Variants in RBPJ observed in about 807,000 individuals in gnomAD.
RBPJ encodes recombining binding protein suppressor of hairless.
In RBPJ, 9 loss-of-function variants were observed where a neutral mutation model predicts 67.8. The observed-to-expected ratio is 0.13, with a 90% CI of 0.08 to 0.23. The LOEUF (loss-of-function observed/expected upper bound fraction) is 0.23, where lower values mean the gene tolerates loss of function less well. RBPJ is among the 10% of genes least tolerant of loss of function. RBPJ has a pLI of 1.00. For missense variants in RBPJ, 305 were observed against 595.6 expected (o/e 0.51, Z 5.08); for synonymous variants, 198 against 203.3 (o/e 0.97, Z 0.22).
chr4:26,270,188 A>C (rs1720831603), intron 1 of RBPJ, among the ~76,000 whole-genome samples: 2 of 150,732 alleles, frequency 1.3e-5, no homozygotes, highest in Admixed American at 6.7e-5. Flanking sequence ...AGGCTGAGGC[A>C]AGAGAATCGC....
Position 26,231,481 on chromosome 4 carries a change from G to A in RBPJ, c.-167+67867G>A, listed in dbSNP as rs1008512986. ...GGCTGGAGTGCAGTGGCAAGATCTCGGCTCACTGCAACCTCTGCCTCCCAG... is the reference window on the plus strand; with the variant it reads ...GGCTGGAGTGCAGTGGCAAGATCTCAGCTCACTGCAACCTCTGCCTCCCAG... On this transcript the variant is annotated intron_variant, in intron 1 of 4. Coordinates refer to the RBPJ transcript ENST00000512351. 5.3e-5 allele frequency among the ~76,000 whole-genome samples: 8 copies of A among 150,808 alleles called. No individual in the cohort carries two copies. In the South Asian group the frequency reaches 1.5e-3, roughly 28 times the overall value.
intron 1 of RBPJ, among the ~76,000 whole-genome samples, chr4:26,244,162 T>TATATATGTATACACATATATGTATAC (rs1560225811): frequency 2.9e-5 from 4 of 137,956 alleles, no homozygotes; most frequent in South Asian, 2.2e-4. Context: ...TATATGTATA[T>TATATATGTATACACATATATGTATAC]ATATATGTAT....
chr4:26,351,350 T>C (rs1726780677), intron 1 of RBPJ, among the ~76,000 whole-genome samples: 1 of 152,182 alleles, frequency 6.6e-6, no homozygotes, highest in Non-Finnish European at 1.5e-5. Flanking sequence ...GATCACATAC[T>C]TAGGTCTCCA....
chr4:26,179,105 G>T (rs1406008729), intron 1 of RBPJ, among the ~76,000 whole-genome samples: 1 of 152,110 alleles, frequency 6.6e-6, no homozygotes, highest in African/African-American at 2.4e-5. Context: ...GACAGTCCCA[G>T]TGGTTGGAAG....
intron 1 of RBPJ, chr4:26,367,872 A>G (rs1397986037): frequency 2.0e-5 from 3 of 152,248 alleles, no homozygotes; most frequent in African/African-American, 7.2e-5. Context: ...CTTTCTCCTT[A>G]GAAAACAGTG....
rs58079490 is a variant in RBPJ, at chr4:26,164,752, GA to G, written c.-167+1139del. On this transcript the variant is annotated intron_variant, in intron 1 of 4. Coordinates refer to the RBPJ transcript ENST00000512351. ...TTGTTGTCATAGAACTGCACAAAAA[GA>G]GTTAAAAATGTGTTTTTCTACTGGA... Among the ~76,000 whole-genome samples, 93 of 152,250 alleles carry G rather than the reference GA, an allele frequency of 6.1e-4. 1 individual carries two copies. Among genetic ancestry groups the G allele is most frequent in the African/African-American group, 2.2e-3 (90 of 41,546 alleles).
intron 1 of RBPJ, among the ~76,000 whole-genome samples, chr4:26,367,390 A>C (rs1000186627): frequency 6.6e-6 from 1 of 152,130 alleles, no homozygotes; most frequent in Non-Finnish European, 1.5e-5. Flanking sequence ...GAATTACTGG[A>C]ATCTAGCACA....
the RBPJ span, among the ~76,000 whole-genome samples, chr4:26,111,265 C>T: frequency 6.6e-6 from 1 of 152,160 alleles, no homozygotes; most frequent in African/African-American, 2.4e-5. Flanking sequence ...CAGCCCCAAG[C>T]TCTAGGAGAC....
chr4:26,224,018 G>A (rs547935093), intron 1 of RBPJ, among the ~76,000 whole-genome samples: 5 of 152,312 alleles, frequency 3.3e-5, no homozygotes, highest in African/African-American at 1.2e-4. Flanking sequence ...AAGATTAATA[G>A]CTAAGATAAT....
intron 1 of RBPJ, among the ~76,000 whole-genome samples, chr4:26,348,601 G>A (rs1726433146): frequency 6.6e-6 from 1 of 152,154 alleles, no homozygotes; most frequent in African/African-American, 2.4e-5. Flanking sequence ...ACTGAAATAT[G>A]TACATAAATT....
At chr4:26,140,832 C>CCCAA in the RBPJ span, among the ~76,000 whole-genome samples, 1 of 40,624 alleles carries the variant, frequency 2.5e-5, no homozygotes, top group Admixed American at 3.2e-4. Flanking sequence ...CTGACCCTTC[C>CCCAA]ACAAATAAAT....
In RBPJ at chr4:26,235,148, A is replaced by C. The variant is rs78067759; in HGVS notation, c.-167+71534A>C. ...TTCAAAAAAAAACCTTGCTTAATCAAGTATCTAATATGTATGTCAGACTAC... is the reference window on the plus strand; with the variant it reads ...TTCAAAAAAAAACCTTGCTTAATCACGTATCTAATATGTATGTCAGACTAC... On this transcript the variant is annotated intron_variant, in intron 1 of 4. Coordinates refer to the RBPJ transcript ENST00000512351. 3.3e-5 allele frequency among the ~76,000 whole-genome samples: 5 copies of C among 152,336 alleles called. No homozygotes were observed. The East Asian group carries it at 9.6e-4, about 29-fold the overall frequency.
intron 1 of RBPJ, among the ~76,000 whole-genome samples, chr4:26,267,676 C>T (rs1191166633): frequency 1.3e-5 from 2 of 152,072 alleles, no homozygotes; most frequent in Non-Finnish European, 2.9e-5. Context: ...GGCACGATCT[C>T]GGCTCACTGC....
At chr4:26,163,333 T>C (rs1341222197), upstream of RBPJ, 2 of 150,864 alleles carry the variant, frequency 1.3e-5, no homozygotes, top group Non-Finnish European at 2.9e-5. Context: ...TTTATGTTGG[T>C]CTTTACAGAT....
At chr4:26,238,062 G>C (rs1244677614) in intron 1 of RBPJ, among the ~76,000 whole-genome samples, 2 of 152,024 alleles carry the variant, frequency 1.3e-5, no homozygotes, top group South Asian at 4.1e-4. Context: ...GTGTGTGTTT[G>C]TTTCATTTGT....
At chr4:26,390,022 A>G (rs966163071) in intron 2 of RBPJ, among the ~76,000 whole-genome samples, 3 of 152,240 alleles carry the variant, frequency 2.0e-5, no homozygotes, top group Admixed American at 2.0e-4. Context: ...TCCCTTGTGA[A>G]CATAGTTATA....
rs1275180375 is a variant in RBPJ, at chr4:26,270,417, GA to G, written c.-166-92026del. Among the ~76,000 whole-genome samples, 23 of 54,606 alleles carry G rather than the reference GA, an allele frequency of 4.2e-4. 1 individual carries two copies. The highest frequency in any genetic ancestry group is 7.7e-4 in the Admixed American group (3 of 3,916). The allele number at this position is 54,606 out of a possible 152,430, so 35.8% of individuals were successfully genotyped here. A position where few individuals can be genotyped will look rare whatever the true frequency, so the allele number is the denominator to read the frequency against. On this transcript the variant is annotated intron_variant, in intron 1 of 4. Coordinates refer to the RBPJ transcript ENST00000512351. ...AGAAAGAAAGAAAGAAAGAAAGAAA[GA>G]AAGAAAGAAAGAAAGAAAGAAGAAA... is the stretch of plus-strand genomic sequence containing the variant.
chr4:26,370,348 G>C (rs1231367499), intron 1 of RBPJ, among the ~76,000 whole-genome samples: 1 of 152,058 alleles, frequency 6.6e-6, no homozygotes, highest in East Asian at 1.9e-4. Context: ...CATTTTAAAA[G>C]CACAGGTAAT....
At chr4:26,320,809 C>G (rs1310808484), upstream of RBPJ, 4 of 1,557,464 alleles carry the variant, frequency 2.6e-6, no homozygotes, top group South Asian at 3.5e-5. Flanking sequence ...CATGCTCCAT[C>G]GCCTGGGTAG....
Sources: gnomAD v4.1 joint callset for allele counts (sites outside exome capture counted in the v4.1 genomes callset) on GRCh38, gnomAD v4.1.1 for gene constraint, MANE v1.5 for transcripts, NCBI Gene and HGNC (gene_info 2026-07-23, HGNC 2026-07-21) for gene names.